SPRED1: variants seen among roughly 807,000 people sequenced by gnomAD.
SPRED1 encodes the protein sprouty related EVH1 domain containing 1.
In SPRED1, 18 loss-of-function variants were observed where a neutral mutation model predicts 52.3. The ratio of observed to expected loss-of-function variants is 0.34; its 90% CI spans 0.24 to 0.51. The LOEUF (loss-of-function observed/expected upper bound fraction) is 0.51. Ranked by LOEUF, SPRED1 falls within the 20% of genes least tolerant of loss-of-function variation. The probability of loss-of-function intolerance (pLI) is 0.97; values close to 1 mark genes in which losing one functional copy is unlikely to be tolerated. For synonymous variants in SPRED1, 155 were observed against 179.7 expected (o/e 0.86, Z 1.10); for missense variants, 485 against 551.0 (o/e 0.88, Z 1.20).
chr15:38,290,798 C>T (rs1322952014), intron 1 of SPRED1, among the ~76,000 whole-genome samples: 2 of 152,168 alleles, frequency 1.3e-5, no homozygotes, highest in Admixed American at 1.3e-4. Context: ...TTACCTCCCC[C>T]TGGGTCCCTC....
At chr15:38,278,828 G>GTTTTTTTT (rs765637726) in intron 1 of SPRED1, among the ~76,000 whole-genome samples, 1,487 of 118,150 alleles carry the variant, frequency 0.013, 98 homozygotes, top group South Asian at 0.031. Flanking sequence ...TAACTACACT[G>GTTTTTTTT]TTTTTTTTTT....
chr15:38,325,352 T>C (rs1359388159), intron 4 of SPRED1, among the ~76,000 whole-genome samples: 2 of 152,212 alleles, frequency 1.3e-5, no homozygotes, highest in East Asian at 1.9e-4. Context: ...AGATGTCTTA[T>C]TATGCACATA....
intron 5 of SPRED1, among the ~76,000 whole-genome samples, chr15:38,347,746 A>G (rs781137743): frequency 1.5e-4 from 23 of 151,954 alleles, no homozygotes; most frequent in Admixed American, 1.0e-3. Flanking sequence ...TTGTTCTATT[A>G]TAAATGGAAT....
rs749378713 is a variant in SPRED1, at chr15:38,322,383, G to A, written c.350G>A (p.Arg117Gln). 14 of 1,613,764 alleles carry A rather than the reference G, an allele frequency of 8.7e-6. No individual in the cohort carries two copies. Among genetic ancestry groups the A allele is most frequent in the Non-Finnish European group, 1.1e-5 (13 of 1,179,814 alleles). The change falls in exon 3 of 7, where the codon CGA (arginine) becomes CAA (glutamine). Residue 117 changes from arginine to glutamine, a missense_variant. Coordinates refer to ENST00000299084, the MANE Select transcript of SPRED1 (RefSeq NM_152594.3). The stretch of plus-strand genomic sequence containing the variant: ...GCTAGGGCTTTTGATAGAGGTATCC[G>A]AAGAGCTATAGAGGATATTTCTCAA... ...ADARAFDRGIRRAIEDISQGC... is the reference protein window; with the variant it reads ...ADARAFDRGIQRAIEDISQGC...
chr15:38,311,903 A>C (rs1030063537), intron 2 of SPRED1, among the ~76,000 whole-genome samples: 6 of 151,304 alleles, frequency 4.0e-5, no homozygotes, highest in East Asian at 3.9e-4. Context: ...TTCTGTTGTC[A>C]TTTTCTTTTT....
intron 1 of SPRED1, among the ~76,000 whole-genome samples, chr15:38,281,770 A>G (rs1894694541): frequency 6.6e-6 from 1 of 152,008 alleles, no homozygotes; most frequent in Non-Finnish European, 1.5e-5. Context: ...ACATTTTTGT[A>G]TAAAAATATA....
intron 1 of SPRED1, among the ~76,000 whole-genome samples, chr15:38,258,302 G>A (rs543764274): frequency 6.6e-6 from 1 of 152,224 alleles, no homozygotes; most frequent in Non-Finnish European, 1.5e-5. Flanking sequence ...CAGTGGAATG[G>A]AATTGCACAG....
intron 1 of SPRED1, among the ~76,000 whole-genome samples, chr15:38,274,890 G>T (rs181217837): frequency 5.8e-4 from 88 of 152,306 alleles, no homozygotes; most frequent in Non-Finnish European, 8.8e-4. Flanking sequence ...CAGTTCAACA[G>T]GTGGATGGTG....
At chr15:38,339,122 T>G (rs1185752608) in intron 4 of SPRED1, among the ~76,000 whole-genome samples, 6 of 151,388 alleles carry the variant, frequency 4.0e-5, no homozygotes, top group Non-Finnish European at 5.9e-5. Flanking sequence ...TTTACTTACT[T>G]AATATTTATT....
chr15:38,315,672 T>C (rs1256054501), intron 2 of SPRED1, among the ~76,000 whole-genome samples: 1 of 151,934 alleles, frequency 6.6e-6, no homozygotes, highest in Non-Finnish European at 1.5e-5. Context: ...TTAGAATCCA[T>C]TAACAAACTC....
At chr15:38,318,578 C>A (rs1455597538) in intron 2 of SPRED1, among the ~76,000 whole-genome samples, 2 of 151,932 alleles carry the variant, frequency 1.3e-5, no homozygotes, top group Non-Finnish European at 2.9e-5. Flanking sequence ...GAACTCTTAC[C>A]TCCCTCCTTC....
rs2140994779 is a variant in SPRED1, at chr15:38,322,269, A to G, written c.236A>G (p.Asp79Gly). The change falls in exon 3 of 7, where the codon GAC becomes GGC. Residue 79 changes from aspartate (D) to glycine (G), a missense_variant. By Grantham distance (94) the Asp-to-Gly change is moderately conservative. This residue lies in a region of SPRED1 where 232 missense variants were observed against 231.8 expected (regional missense o/e 1.00). Coordinates refer to ENST00000299084, the MANE Select transcript of SPRED1 (RefSeq NM_152594.3). ...MVVLECMLKKDLIYNKVTPTF... is the reference protein window; with the variant it reads ...MVVLECMLKKGLIYNKVTPTF... ...GTTTTGGAATGTATGCTTAAAAAAG[A>G]CCTCATTTATAATAAGGTCACTCCA... The G allele has an allele frequency of 5.6e-6, 9 of 1,613,876 alleles. No homozygotes were observed. The highest frequency in any genetic ancestry group is 7.6e-6 in the Non-Finnish European group (9 of 1,179,896).
chr15:38,334,543 T>G (rs73398491), intron 4 of SPRED1, among the ~76,000 whole-genome samples: 59 of 152,212 alleles, frequency 3.9e-4, no homozygotes, highest in African/African-American at 1.3e-3. Context: ...TCTGGTATTT[T>G]AAAAGTAAAA....
chr15:38,321,426 A>C (rs1468557256), intron 2 of SPRED1, among the ~76,000 whole-genome samples: 3 of 152,156 alleles, frequency 2.0e-5, no homozygotes, highest in Non-Finnish European at 4.4e-5. Context: ...TTAGTACTGC[A>C]ATTTCTGTTT....
intron 1 of SPRED1, chr15:38,298,564 A>C: frequency 3.3e-6 from 1 of 306,924 alleles, no homozygotes; most frequent in Middle Eastern, 4.0e-4. Context: ...GAAGTCAGAC[A>C]AAAAGAGTAC....
chr15:38,266,589 C>T (rs1281810289), intron 1 of SPRED1, among the ~76,000 whole-genome samples: 1 of 152,118 alleles, frequency 6.6e-6, no homozygotes, highest in South Asian at 2.1e-4. Context: ...TTGCAGTAAG[C>T]CAAGATCGTG....
Position 38,339,913 on chromosome 15 carries a change from T to C in SPRED1, c.582+18T>C, listed in dbSNP as rs781686509. ...CCAATCAGGTAAGAAGATAAAATAT[T>C]TTTTCGGCGCGTTGTTTATATGTGT... is the stretch of plus-strand genomic sequence containing the variant. On this transcript the variant is annotated intron_variant, in intron 5 of 6. Coordinates refer to ENST00000299084, the MANE Select transcript of SPRED1 (RefSeq NM_152594.3). 3 of 1,613,458 alleles carry C rather than the reference T, an allele frequency of 1.9e-6. No individual in the cohort carries two copies. In the Admixed American group the frequency reaches 5.0e-5, roughly 27 times the overall value.
At chr15:38,272,317 G>C (rs1001846386) in intron 1 of SPRED1, among the ~76,000 whole-genome samples, 1 of 141,068 alleles carries the variant, frequency 7.1e-6, no homozygotes, top group African/African-American at 2.6e-5. Context: ...TGCTGAGGCT[G>C]GAGTGCAGTG....
chr15:38,352,238 G>GTATA lies in SPRED1; in HGVS notation c.*576_*577insTATA, dbSNP rs1365570456. The GTATA allele has an allele frequency of 1.4e-5, 2 of 146,034 alleles. No homozygotes were observed. Among genetic ancestry groups the GTATA allele is most frequent in the East Asian group, 2.1e-4 (1 of 4,762 alleles). The allele number at this position is 146,034 out of a possible 1,614,324, so 9.0% of individuals were successfully genotyped here. On this transcript the variant is annotated 3_prime_UTR_variant, in exon 7 of 7. Transcript: ENST00000299084. ...TTTTCTTCCCCTTCCTAGTTCTGAA[G>GTATA]TAGATATATATATATATATATCTAC... is the stretch of plus-strand genomic sequence containing the variant.
Sources: gnomAD v4.1 joint callset for allele counts (sites outside exome capture counted in the v4.1 genomes callset) on GRCh38, gnomAD v4.1.1 for gene constraint, gnomAD v4.1.1 regional missense constraint, MANE v1.5 for transcripts, NCBI Gene and HGNC (gene_info 2026-07-23, HGNC 2026-07-21) for gene names.